The following MYBPC3 variants were observed in gnomAD, a reference collection of about 807,000 sequenced individuals.
MYBPC3 encodes myosin binding protein C3.
MYBPC3 carries 108 observed loss-of-function variants against 159.3 expected under a neutral mutation model. The observed-to-expected ratio is 0.68, with a 90% CI of 0.58 to 0.80. The LOEUF is 0.80. MYBPC3 is among the 30% of genes least tolerant of loss of function. MYBPC3 has a pLI of 0.00. For missense variants in MYBPC3, 1,631 were observed against 1,762.1 expected (o/e 0.93, Z 1.33); for synonymous variants, 730 against 702.0 (o/e 1.04, Z -0.63).
intron 12 of MYBPC3, 81 bp from the exon 13 acceptor site, chr11:47,343,705 G>A: frequency 7.0e-7 from 1 of 1,431,646 alleles, no homozygotes. Flanking sequence ...CTGTGGCTGG[G>A]GCCCAGGTCC....
At chr11:47,341,534 C>T (rs903920340) in intron 18 of MYBPC3, among the ~76,000 whole-genome samples, 9 of 152,202 alleles carry the variant, frequency 5.9e-5, no homozygotes, top group East Asian at 5.8e-4. Context: ...GGGCCCAGCA[C>T]GGCCAGCCCA....
Position 47,332,624 on chromosome 11 carries a change from C to T in MYBPC3, c.3569G>A (p.Arg1190His), listed in dbSNP as rs117354682. Residue 1190 changes from arginine (R) to histidine (H), a missense_variant, in exon 32 of 35, where the codon CGC becomes CAC. Arg to His is a conservative substitution (Grantham distance 29, BLOSUM62 0). Transcript: ENST00000545968. This position sits in a 1 kb window ranked among gnomAD's most constrained non-coding sequence, Gnocchi z 4.2. ...APSFTQPLVN[R>H]SVIAGYTAML... ...AGCAGTGTAGCCCGCGATGACCGAG[C>T]GGTTCACCAGGGGCTGGGTGAAGCT... 36 of 1,613,864 alleles carry T rather than the reference C, an allele frequency of 2.2e-5. No homozygotes were observed. Among genetic ancestry groups the T allele is most frequent in the Middle Eastern group, 1.6e-4 (1 of 6,062 alleles).
Position 47,332,689 on chromosome 11 carries a change from C to A in MYBPC3, c.3504G>T (p.Glu1168Asp). 1 of 1,610,540 alleles carries A rather than the reference C, an allele frequency of 6.2e-7. No individual in the cohort carries two copies. The highest frequency in any genetic ancestry group is 8.5e-7 in the Non-Finnish European group (1 of 1,178,282). Residue 1168 changes from glutamate to aspartate, a missense_variant, in exon 32 of 35, where the codon GAG (glutamate) becomes GAT (aspartate). Coordinates refer to ENST00000545968, the MANE Select transcript of MYBPC3 (RefSeq NM_000256.3). The surrounding 1 kb of genome is among the most constrained non-coding windows in gnomAD (Gnocchi z 4.2). Reference sequence around the variant, plus strand: ...AGTCCAGGGCCTTATAGTTGGGTGGCTCATAGGTGATGCCTGTTGGTGACA... The same window carrying A: ...AGTCCAGGGCCTTATAGTTGGGTGGATCATAGGTGATGCCTGTTGGTGACA... The part of the protein sequence containing the change: ...VFIPRPGITY[E>D]PPNYKALDFS...
chr11:47,346,450 A>T lies in MYBPC3; in HGVS notation c.927-80T>A. The stretch of plus-strand genomic sequence containing the variant: ...GGGCTTCCTGGGCCCAGGACCAAGG[A>T]GCTGTAGCCACCCCTGTCCCTCTGC... On this transcript the variant is annotated intron_variant, in intron 11 of 34. Coordinates refer to ENST00000545968, the MANE Select transcript of MYBPC3 (RefSeq NM_000256.3). This position sits in a 1 kb window ranked among gnomAD's most constrained non-coding sequence, Gnocchi z 5.3. 6.8e-7 allele frequency: 1 copy of T among 1,471,344 alleles called. No individual in the cohort carries two copies. Among genetic ancestry groups the T allele is most frequent in the Non-Finnish European group, 9.1e-7 (1 of 1,104,888 alleles). 91.1% of individuals were successfully genotyped at this position (1,471,344 alleles called of 1,614,324 possible). A position where few individuals can be genotyped will look rare whatever the true frequency, so the allele number is the denominator to read the frequency against.
At chr11:47,348,927 T>TATATATATATATATATATATATATATATG (rs1555123220) in intron 5 of MYBPC3, among the ~76,000 whole-genome samples, 1 of 126,228 alleles carries the variant, frequency 7.9e-6, no homozygotes, top group Non-Finnish European at 1.7e-5. Flanking sequence ...TATATATATA[T>TATATATATATATATATATATATATATATG]TTAAAGGAGG....
chr11:47,336,140 T>A, intron 25 of MYBPC3, 129 bp from the exon 26 acceptor site: 1 of 937,610 alleles, frequency 1.1e-6, no homozygotes, highest in Non-Finnish European at 1.4e-6. Flanking sequence ...TTGGCCACTT[T>A]AAGGAATATT....
intron 21 of MYBPC3, 60 bp from the exon 22 acceptor site, chr11:47,339,464 C>T (rs2095886030): frequency 1.9e-6 from 3 of 1,566,478 alleles, no homozygotes; most frequent in African/African-American, 2.7e-5. Flanking sequence ...TGGAAGCGCC[C>T]CTCTGCTGCT....
At chr11:47,343,390 G>A in intron 13 of MYBPC3, 102 bp downstream of exon 13, 1 of 1,488,284 alleles carries the variant, frequency 6.7e-7, no homozygotes. Context: ...ATGGGGCTGA[G>A]AGCCACACCG....
At chr11:47,344,366 C>T (rs533344214) in intron 12 of MYBPC3, among the ~76,000 whole-genome samples, 100 of 152,290 alleles carry the variant, frequency 6.6e-4, no homozygotes, top group African/African-American at 2.3e-3. Context: ...TGCGGTGGTC[C>T]CCATGCTGCT....
rs181834806 is a variant in MYBPC3 at position 47,342,658 on chromosome 11, T to C, written c.1544A>G (p.Asn515Ser). 8.6e-5 allele frequency: 138 copies of C among 1,614,000 alleles called. No individual in the cohort carries two copies. In the African/African-American group the frequency reaches 1.7e-3, roughly 20 times the overall value. ...CCCCGCGTCCTCCAGCATGGCCTCG[T>C]TGATGATCAGGTGGTGTCTCTGCCC... ...KDGQRHHLII[N>S]EAMLEDAGHY... Residue 515 changes from asparagine to serine, a missense_variant, in exon 17 of 35, where the codon AAC becomes AGC. Coordinates refer to ENST00000545968, the MANE Select transcript of MYBPC3 (RefSeq NM_000256.3).
intron 7 of MYBPC3, 56 bp downstream of exon 7, chr11:47,347,801 G>T: frequency 6.5e-7 from 1 of 1,547,766 alleles, no homozygotes; most frequent in Non-Finnish European, 8.7e-7. Flanking sequence ...TCGAGACCCT[G>T]AAGGGCCTCA....
Position 47,338,750 on chromosome 11 carries a change from CA to C in MYBPC3, c.2149-72del. 2.0e-6 allele frequency: 3 copies of C among 1,492,390 alleles called. No homozygotes were observed. The highest frequency in any genetic ancestry group is 8.9e-7 in the Non-Finnish European group (1 of 1,117,694). 92.4% of individuals were successfully genotyped at this position (1,492,390 alleles called of 1,614,324 possible). A position where few individuals can be genotyped will look rare whatever the true frequency, so the allele number is the denominator to read the frequency against. On this transcript the variant is annotated intron_variant, in intron 22 of 34. Transcript: ENST00000545968. This position sits in a 1 kb window ranked among gnomAD's most constrained non-coding sequence, Gnocchi z 4.7. ...GGCCCTTGCAGCCTCCGCCAACAGC[CA>C]GATGTCCCGGGGGTCCATGGGGGGA...
In MYBPC3 at chr11:47,348,470, G is replaced by T. The variant is rs1595848894; in HGVS notation, c.726C>A (p.Ser242=). The stretch of plus-strand genomic sequence containing the variant: ...TGGAGCAGTCAAATTTGTCCTTGGT[G>T]GACACCTCACAGCGGTAGCTGCCAG... ...AFTGSYRCEV[S]TKDKFDCSNF... is the part of the protein sequence containing the mutation. Residue 242 remains serine (S), a synonymous_variant, in exon 6 of 35, where the codon TCC becomes TCA. Transcript: ENST00000545968. The T allele has an allele frequency of 6.2e-7, 1 of 1,613,310 alleles. No homozygotes were observed. Among genetic ancestry groups the T allele is most frequent in the African/African-American group, 1.3e-5 (1 of 74,920 alleles).
In MYBPC3 at chr11:47,342,157, C is replaced by G; in HGVS notation, c.1625-1G>C. 1 of 1,613,920 alleles carries G rather than the reference C, an allele frequency of 6.2e-7. No homozygotes were observed. The highest frequency in any genetic ancestry group is 8.5e-7 in the Non-Finnish European group (1 of 1,179,842). ...CTCTGGTACACCTCCAGCTTCTTTT[C>G]TGCAGGGCAGGGCAGAGCCATTGAG... On this transcript the variant is annotated splice_acceptor_variant, in intron 17 of 34. Transcript: ENST00000545968. LOFTEE classifies it high-confidence loss of function.
At chr11:47,342,180 G>A in intron 17 of MYBPC3, 24 bp from the exon 18 acceptor site, 1 of 1,610,464 alleles carries the variant, frequency 6.2e-7, no homozygotes, top group Non-Finnish European at 8.5e-7. Flanking sequence ...CAGAGCCATT[G>A]AGCTCGGGAG....
intron 2 of MYBPC3, 116 bp from the exon 3 acceptor site, chr11:47,350,731 C>T: frequency 7.3e-7 from 1 of 1,375,494 alleles, no homozygotes. Flanking sequence ...TCTGCCATGG[C>T]TGTCCTCCCG....
intron 1 of MYBPC3, among the ~76,000 whole-genome samples, 166 bp downstream of exon 1, chr11:47,352,457 G>A (rs780093189): frequency 1.3e-5 from 2 of 152,064 alleles, no homozygotes; most frequent in Non-Finnish European, 2.9e-5. Context: ...ATGGGAAAAA[G>A]AAACCGAGAA....
chr11:47,331,990 G>A (rs912785800), intron 33 of MYBPC3, 82 bp downstream of exon 33: 15 of 1,592,264 alleles, frequency 9.4e-6, no homozygotes, highest in East Asian at 4.5e-5. Flanking sequence ...GTGCTTGGCC[G>A]AGGACAACGG....
intron 25 of MYBPC3, 122 bp downstream of exon 25, chr11:47,337,269 C>T (rs995200194): frequency 2.0e-5 from 22 of 1,085,614 alleles, no homozygotes; most frequent in South Asian, 1.0e-4. Context: ...TATCCCCAGT[C>T]GAGGATGAAA....
Sources: allele counts gnomAD v4.1 joint callset (sites outside exome capture counted in the v4.1 genomes callset), GRCh38; gene constraint gnomAD v4.1.1; non-coding constraint Gnocchi (gnomAD v3.1); transcripts MANE v1.5; gene names NCBI Gene and HGNC (gene_info 2026-07-23, HGNC 2026-07-21).